ZNF483: variants seen among roughly 807,000 people sequenced by gnomAD.
ZNF483 encodes the protein zinc finger protein HIT-10.
ZNF483 carries 9 observed loss-of-function variants against 28.6 expected under a neutral mutation model. That is an observed-to-expected ratio of 0.32 (90% CI 0.19 to 0.55). ZNF483 has a LOEUF of 0.55. ZNF483 is among the 20% of genes least tolerant of loss of function. ZNF483 has a pLI of 0.93. For missense variants in ZNF483, 675 were observed against 871.7 expected, an observed-to-expected ratio of 0.77 and a Z score of 2.84; for synonymous variants, 322 against 306.2, an observed-to-expected ratio of 1.05 and a Z score of -0.54.
chr9:111,560,974 T>TATAG (rs1564607823), intron 5 of ZNF483, among the ~76,000 whole-genome samples: 2 of 9,344 alleles, frequency 2.1e-4, no homozygotes, highest in African/African-American at 4.9e-4. Context: ...TATATATATA[T>TATAG]AGAGAGAGAG....
chr9:111,576,352 T>C (rs1829054848), intron 5 of ZNF483: 1 of 1,614,046 alleles, frequency 6.2e-7, no homozygotes. Flanking sequence ...AAGCTTTCCC[T>C]GGTCACTTGC....
At chr9:111,568,035 T>C (rs1564611982) in intron 5 of ZNF483, among the ~76,000 whole-genome samples, 1 of 152,208 alleles carries the variant, frequency 6.6e-6, no homozygotes, top group South Asian at 2.1e-4. Flanking sequence ...ACAAATTGAT[T>C]GTAAAACATG....
Position 111,542,538 on chromosome 9 carries a change from A to G in ZNF483, c.1603A>G (p.Ser535Gly), listed in dbSNP as rs1393149087. The change falls in exon 6 of 6, where the codon AGT (serine) becomes GGT (glycine). Residue 535 changes from serine (S) to glycine (G), a missense_variant. By Grantham distance (56) the Ser-to-Gly change is moderately conservative. Around this residue, in one of 6 missense-constraint regions of ZNF483, gnomAD observed 41 missense variants for 69.0 expected, o/e 0.59. Transcript: ENST00000309235. This position sits in a 1 kb window ranked among gnomAD's most constrained non-coding sequence, Gnocchi z 6.2. ...AGACTGTGGGAGACCCTTTAGTGAC[A>G]GTTCATCTCTTATTCAACATCAGCG... ...CKDCGRPFSD[S>G]SSLIQHQRIH... is the part of the protein sequence containing the mutation. 2 of 1,614,044 alleles carry G rather than the reference A, an allele frequency of 1.2e-6. No homozygotes were observed. Among genetic ancestry groups the G allele is most frequent in the African/African-American group, 1.3e-5 (1 of 74,926 alleles).
At chr9:111,567,713 T>C (rs1471240992) in intron 5 of ZNF483, among the ~76,000 whole-genome samples, 1 of 152,174 alleles carries the variant, frequency 6.6e-6, no homozygotes, top group Non-Finnish European at 1.5e-5. Flanking sequence ...ACGGCAGGAT[T>C]TGATTTGTGC....
At chr9:111,559,684 G>T (rs1828220360), downstream of ZNF483, among the ~76,000 whole-genome samples, 1 of 151,938 alleles carries the variant, frequency 6.6e-6, no homozygotes, top group Non-Finnish European at 1.5e-5. Context: ...GACTCCCTGT[G>T]CCAGGCAGCC....
At chr9:111,529,451 C>T (rs1827265797) in intron 2 of ZNF483, among the ~76,000 whole-genome samples, 2 of 152,180 alleles carry the variant, frequency 1.3e-5, no homozygotes, top group Admixed American at 1.3e-4. Flanking sequence ...ACATTTAGTT[C>T]CTATGAGTTT....
At position 111,543,626 on chromosome 9, in the gene ZNF483, T is replaced by G; in HGVS notation, c.*456T>G. On this transcript the variant is annotated 3_prime_UTR_variant, in exon 6 of 6. Coordinates refer to ENST00000309235, the MANE Select transcript of ZNF483 (RefSeq NM_133464.5). ...GATGGGATTAATGATTTTTGCCTTT[T>G]TTGGTTTTTTAGTTTTTTATTGGTA... 1 of 986,376 alleles carries G rather than the reference T, an allele frequency of 1.0e-6. No individual in the cohort carries two copies. The highest frequency in any genetic ancestry group is 1.2e-6 in the Non-Finnish European group (1 of 830,608). 61.1% of individuals were successfully genotyped at this position (986,376 alleles called of 1,614,324 possible).
chr9:111,563,694 G>A (rs2132317837), intron 5 of ZNF483: 1 of 154,470 alleles, frequency 6.5e-6, no homozygotes, highest in East Asian at 1.9e-4. Context: ...TTTTAGTAGG[G>A]ACAGGGCTTC....
At position 111,544,362 on chromosome 9, in the gene ZNF483, G is replaced by C. The variant is rs41279061; in HGVS notation, c.*1192G>C. ...GGTGTGTGTGCATGTGTGTGTGTGT[G>C]TGTGTGTGTGTATACATTGTTGCCA... On this transcript the variant is annotated 3_prime_UTR_variant, in exon 6 of 6. Coordinates refer to ENST00000309235, the MANE Select transcript of ZNF483 (RefSeq NM_133464.5). 1,959 of 984,302 alleles carry C rather than the reference G, an allele frequency of 2.0e-3. 2 individuals are homozygous for C. Among genetic ancestry groups the C allele is most frequent in the Middle Eastern group, 3.1e-3 (6 of 1,914 alleles). 61.0% of individuals were successfully genotyped at this position (984,302 alleles called of 1,614,324 possible). A position where few individuals can be genotyped will look rare whatever the true frequency, so the allele number is the denominator to read the frequency against.
intron 1 of ZNF483, 66 bp from the exon 2 acceptor site, chr9:111,527,202 A>G (rs1827204080): frequency 7.6e-6 from 4 of 523,632 alleles, no homozygotes; most frequent in Non-Finnish European, 1.3e-5. Flanking sequence ...CAAACCAAGA[A>G]CGATGTTTTT....
intron 5 of ZNF483, among the ~76,000 whole-genome samples, chr9:111,536,372 AAAAT>A (rs1827501996): frequency 6.6e-6 from 1 of 151,958 alleles, no homozygotes; most frequent in African/African-American, 2.4e-5. Flanking sequence ...ACAAAAAAAA[AAAAT>A]TAACCAGGCT....
chr9:111,576,503 G>C, exon 6 of ZNF483: 1 of 1,565,436 alleles, frequency 6.4e-7, no homozygotes, highest in Non-Finnish European at 8.7e-7. Context: ...GCTCTGGTTC[G>C]GGGAAGAGCT....
chr9:111,557,061 A>G (rs1460736702), downstream of ZNF483, among the ~76,000 whole-genome samples: 1 of 152,192 alleles, frequency 6.6e-6, no homozygotes, highest in Admixed American at 6.5e-5. Flanking sequence ...GATCTCTGAA[A>G]TGCCCTGGAA....
chr9:111,556,267 C>T (rs1440504761), downstream of ZNF483, among the ~76,000 whole-genome samples: 2 of 152,242 alleles, frequency 1.3e-5, no homozygotes, highest in Admixed American at 6.5e-5. Context: ...CACCTCTGCC[C>T]CTGTTACTCT....
At chr9:111,532,279 T>C (rs1827367315) in intron 3 of ZNF483, among the ~76,000 whole-genome samples, 1 of 152,160 alleles carries the variant, frequency 6.6e-6, no homozygotes, top group South Asian at 2.1e-4. Context: ...TGCAGTGAGC[T>C]ATGATTACGC....
chr9:111,527,648 A>G lies in ZNF483; in HGVS notation c.253A>G (p.Ile85Val). 6.2e-7 allele frequency: 1 copy of G among 1,614,174 alleles called. No individual in the cohort carries two copies. The highest frequency in any genetic ancestry group is 1.1e-5 in the South Asian group (1 of 91,084). ...ELCNQWLRPD[I>V]HTKEQILELL... The stretch of plus-strand genomic sequence containing the variant: ...CTGCAATCAGTGGCTGAGACCAGAC[A>G]TTCACACGAAAGAACAGATTTTAGA... Residue 85 changes from isoleucine to valine, a missense_variant, in exon 2 of 6, where the codon ATT becomes GTT. By Grantham distance (29) the Ile-to-Val change is conservative. Around this residue, in one of 6 missense-constraint regions of ZNF483, gnomAD observed 525 missense variants for 581.8 expected, o/e 0.90. Coordinates refer to ENST00000309235, the MANE Select transcript of ZNF483 (RefSeq NM_133464.5).
chr9:111,561,126 GAGA>G, intron 5 of ZNF483, among the ~76,000 whole-genome samples: 2 of 59,978 alleles, frequency 3.3e-5, no homozygotes, highest in Non-Finnish European at 6.2e-5. Context: ...GAGAGAGAGA[GAGA>G]GAGAGAGAGG....
chr9:111,561,165 G>GAA (rs1828305988), intron 5 of ZNF483, among the ~76,000 whole-genome samples: 6 of 142,230 alleles, frequency 4.2e-5, no homozygotes, highest in African/African-American at 1.6e-4. Flanking sequence ...GAGAGAGAGA[G>GAA]AGAGAGAGAG....
At position 111,544,107 on chromosome 9, in the gene ZNF483, C is replaced by G. The variant is rs1303391203; in HGVS notation, c.*937C>G. On this transcript the variant is annotated 3_prime_UTR_variant, in exon 6 of 6. Coordinates refer to ENST00000309235, the MANE Select transcript of ZNF483 (RefSeq NM_133464.5). ...GGCATTGGCCAACAGGACTGAGAAG[C>G]CAGAGAGCTTGCACCTGAGCCATCT... 2 of 985,270 alleles carry G rather than the reference C, an allele frequency of 2.0e-6. No individual in the cohort carries two copies. Among genetic ancestry groups the G allele is most frequent in the East Asian group, 2.3e-4 (2 of 8,830 alleles). 61.0% of individuals were successfully genotyped at this position (985,270 alleles called of 1,614,324 possible).
Sources: gnomAD v4.1 joint callset for allele counts (sites outside exome capture counted in the v4.1 genomes callset) on GRCh38, gnomAD v4.1.1 for gene constraint, gnomAD v4.1.1 regional missense constraint, Gnocchi (gnomAD v3.1) non-coding constraint, MANE v1.5 for transcripts, NCBI Gene and HGNC (gene_info 2026-07-23, HGNC 2026-07-21) for gene names.